Variants in PLSCR4 observed in about 807,000 individuals in gnomAD.
The protein encoded by PLSCR4 is Ca(2+)-dependent phospholipid scramblase 4.
A neutral mutation model predicts 36.3 loss-of-function variants in PLSCR4; 25 were observed. The ratio of observed to expected loss-of-function variants is 0.69; its 90% CI spans 0.50 to 0.96. The LOEUF (loss-of-function observed/expected upper bound fraction) is 0.96. Ranked by LOEUF, PLSCR4 falls within the 40% of genes least tolerant of loss-of-function variation. The pLI is 0.00. For missense variants in PLSCR4, 408 were observed against 414.7 expected, an observed-to-expected ratio of 0.98 and a Z score of 0.14; for synonymous variants, 122 against 132.9, an observed-to-expected ratio of 0.92 and a Z score of 0.56.
intron 1 of PLSCR4, among the ~76,000 whole-genome samples, chr3:146,242,317 G>A (rs1490265995): frequency 2.6e-5 from 4 of 152,132 alleles, no homozygotes; most frequent in African/African-American, 9.7e-5. Context: ...AGTTTCACAT[G>A]AGAAGTCAGA....
rs2108241404 is a variant in PLSCR4 at position 146,206,584 on chromosome 3, C to T, written c.296G>A (p.Trp99Ter). Reference sequence around the variant, plus strand: ...TGCCATAGGAGTTGGCCCTGGCATCCATGTTATTGGAACAGACTGATTTGG... The same window carrying T: ...TGCCATAGGAGTTGGCCCTGGCATCTATGTTATTGGAACAGACTGATTTGG... The part of the protein sequence containing the change: ...PMPNQSVPIT[W>*]MPGPTPMANC... Residue 99 changes from tryptophan (W) to a stop codon, truncating the protein, a stop_gained, in exon 4 of 9, where the codon TGG (tryptophan) becomes TAG (stop). Coordinates refer to ENST00000354952, the MANE Select transcript of PLSCR4 (RefSeq NM_020353.3). LOFTEE classifies it high-confidence loss of function. The T allele has an allele frequency of 6.2e-7, 1 of 1,613,548 alleles. No individual in the cohort carries two copies. The highest frequency in any genetic ancestry group is 8.5e-7 in the Non-Finnish European group (1 of 1,179,684).
At chr3:146,240,659 A>G (rs1440223650) in intron 1 of PLSCR4, among the ~76,000 whole-genome samples, 1 of 152,144 alleles carries the variant, frequency 6.6e-6, no homozygotes, top group Non-Finnish European at 1.5e-5. Context: ...TAAGATGACT[A>G]TAATAAAAAA....
Position 146,206,684 on chromosome 3 carries a change from G to T in PLSCR4, c.196C>A (p.Pro66Thr), listed in dbSNP as rs1404006036. ...LPMGYYSPQQ[P>T]STFPLYQPVG... ...GGCTGGTACAAAGGGAAGGTACTGG[G>T]TTGCTGTGGACTGTAGTATCCCATA... Residue 66 changes from proline (P) to threonine (T), a missense_variant, in exon 4 of 9, where the codon CCC becomes ACC. Pro to Thr is a conservative substitution (Grantham distance 38). Coordinates refer to ENST00000354952, the MANE Select transcript of PLSCR4 (RefSeq NM_020353.3). 6.2e-7 allele frequency: 1 copy of T among 1,612,792 alleles called. No individual in the cohort carries two copies. Among genetic ancestry groups the T allele is most frequent in the African/African-American group, 1.3e-5 (1 of 74,854 alleles).
intron 3 of PLSCR4, among the ~76,000 whole-genome samples, chr3:146,211,822 T>C (rs905089609): frequency 6.6e-6 from 1 of 152,158 alleles, no homozygotes; most frequent in Non-Finnish European, 1.5e-5. Context: ...TCTTTCCCTA[T>C]TGAATTATTT....
chr3:146,218,642 G>A (rs920496822), intron 3 of PLSCR4, among the ~76,000 whole-genome samples: 1 of 152,072 alleles, frequency 6.6e-6, no homozygotes, highest in Non-Finnish European at 1.5e-5. Flanking sequence ...TCTAAGCTTT[G>A]AAGTTTTCAT....
chr3:146,246,680 C>G (rs1453013977), intron 1 of PLSCR4, among the ~76,000 whole-genome samples: 1 of 151,978 alleles, frequency 6.6e-6, no homozygotes, highest in Non-Finnish European at 1.5e-5. Flanking sequence ...CTATGATTAC[C>G]AAGAACGCCT....
chr3:146,228,252 A>T (rs2035560532), intron 1 of PLSCR4, among the ~76,000 whole-genome samples: 1 of 152,242 alleles, frequency 6.6e-6, no homozygotes, highest in African/African-American at 2.4e-5. Flanking sequence ...AGACATACTG[A>T]TGAAGAGACC....
chr3:146,233,618 A>C (rs2035805242), intron 1 of PLSCR4, among the ~76,000 whole-genome samples: 1 of 152,194 alleles, frequency 6.6e-6, no homozygotes, highest in Non-Finnish European at 1.5e-5. Flanking sequence ...ATTAGTAAAC[A>C]TCTATGATGT....
chr3:146,244,791 T>G (rs756568626), intron 1 of PLSCR4, among the ~76,000 whole-genome samples: 3 of 152,072 alleles, frequency 2.0e-5, no homozygotes, highest in African/African-American at 4.8e-5. Flanking sequence ...CGTGCATCTC[T>G]CACTTTAAGT....
chr3:146,195,160 C>T lies in PLSCR4; in HGVS notation c.909G>A (p.Lys303=). 1 of 1,613,876 alleles carries T rather than the reference C, an allele frequency of 6.2e-7. No individual in the cohort carries two copies. Among genetic ancestry groups the T allele is most frequent in the African/African-American group, 1.3e-5 (1 of 75,014 alleles). ...AAGCTCCAAAAATCATGGCTTTCATCTTCACATCCAGGTCTAGTGGGAAGT... is the reference window on the plus strand; with the variant it reads ...AAGCTCCAAAAATCATGGCTTTCATTTTCACATCCAGGTCTAGTGGGAAGT... The part of the protein sequence containing the change: ...DIHFPLDLDV[K]MKAMIFGACF... The change falls in exon 8 of 9, where the codon AAG becomes AAA. Residue 303 remains lysine (K), a synonymous_variant. Coordinates refer to ENST00000354952, the MANE Select transcript of PLSCR4 (RefSeq NM_020353.3).
intron 1 of PLSCR4, among the ~76,000 whole-genome samples, chr3:146,238,204 C>CAAA (rs112050827): frequency 3.0e-4 from 42 of 142,020 alleles, no homozygotes; most frequent in African/African-American, 9.9e-4. Context: ...AAACTTCCCA[C>CAAA]AAAAAAAAAA....
chr3:146,207,912 C>T (rs2034420299), intron 3 of PLSCR4, among the ~76,000 whole-genome samples: 1 of 152,046 alleles, frequency 6.6e-6, no homozygotes, highest in South Asian at 2.1e-4. Context: ...CCGTTCTTCA[C>T]AGAACTAGAA....
intron 7 of PLSCR4, 130 bp downstream of exon 7, chr3:146,196,502 G>A: frequency 1.2e-6 from 1 of 844,854 alleles, no homozygotes; most frequent in South Asian, 1.9e-5. Context: ...ATGTCAACTG[G>A]TTAATTAACT....
Position 146,220,869 on chromosome 3 carries a change from G to GT in PLSCR4, c.63dup (p.Pro22ThrfsTer7), listed in dbSNP as rs1349818902. 4 of 1,613,634 alleles carry GT rather than the reference G, an allele frequency of 2.5e-6. No homozygotes were observed. Among genetic ancestry groups the GT allele is most frequent in the Non-Finnish European group, 2.5e-6 (3 of 1,179,798 alleles). On this transcript the variant is annotated frameshift_variant, in exon 3 of 9. Coordinates refer to ENST00000354952, the MANE Select transcript of PLSCR4 (RefSeq NM_020353.3). LOFTEE classifies it high-confidence loss of function. ...GGAGCATCAGGCCTTGGATCTGGTG[G>GT]TTTTGTTTGATTTTCCATTTCACCT... is the stretch of plus-strand genomic sequence containing the variant.
intron 3 of PLSCR4, 73 bp from the exon 4 acceptor site, chr3:146,206,834 A>T: frequency 1.1e-6 from 1 of 907,934 alleles, no homozygotes; most frequent in South Asian, 1.7e-5. Flanking sequence ...CATGCGATGA[A>T]ATAGATCACA....
chr3:146,199,673 G>C (rs2033938278), intron 6 of PLSCR4, 140 bp downstream of exon 6: 1 of 677,192 alleles, frequency 1.5e-6, no homozygotes, highest in Admixed American at 2.8e-5. Flanking sequence ...GAGACAATTT[G>C]GTTTCCTCCC....
chr3:146,216,534 T>C (rs1014454791), intron 3 of PLSCR4, among the ~76,000 whole-genome samples: 2 of 152,218 alleles, frequency 1.3e-5, no homozygotes, highest in Admixed American at 6.5e-5. Flanking sequence ...TTGTAATCTT[T>C]ACATCAACCA....
chr3:146,212,889 T>C (rs1009781877), intron 3 of PLSCR4, among the ~76,000 whole-genome samples: 3 of 152,184 alleles, frequency 2.0e-5, no homozygotes, highest in Admixed American at 6.5e-5. Context: ...AGGGAGTTCC[T>C]CCTATTTCTA....
intron 1 of PLSCR4, among the ~76,000 whole-genome samples, chr3:146,235,706 T>C (rs112432736): frequency 3.9e-5 from 6 of 152,120 alleles, no homozygotes; most frequent in African/African-American, 1.4e-4. Context: ...AGGGAAATAT[T>C]GAAACTTCCT....
Sources: allele counts gnomAD v4.1 joint callset (sites outside exome capture counted in the v4.1 genomes callset), GRCh38; gene constraint gnomAD v4.1.1; transcripts MANE v1.5; gene names NCBI Gene and HGNC (gene_info 2026-07-23, HGNC 2026-07-21).